LMNTD1: variants seen among roughly 807,000 people sequenced by gnomAD.
The protein encoded by LMNTD1 is lamin tail domain-containing protein 1.
LMNTD1 carries 35 observed loss-of-function variants against 50.9 expected under a neutral mutation model. The observed-to-expected ratio is 0.69, with a 90% CI of 0.53 to 0.91. The LOEUF (loss-of-function observed/expected upper bound fraction) is 0.91. LMNTD1 is among the 40% of genes least tolerant of loss of function. The pLI, the probability that LMNTD1 is intolerant of heterozygous loss-of-function variation, is 0.00. For synonymous variants in LMNTD1, 153 were observed against 161.9 expected (o/e 0.94, Z 0.42); for missense variants, 470 against 475.5 (o/e 0.99, Z 0.11).
At chr12:25,566,577 G>C (rs935658917) in intron 1 of LMNTD1, among the ~76,000 whole-genome samples, 3 of 152,212 alleles carry the variant, frequency 2.0e-5, no homozygotes, top group African/African-American at 7.2e-5. Context: ...ATTCCCACCA[G>C]CATGAGCTCT....
intron 4 of LMNTD1, among the ~76,000 whole-genome samples, chr12:25,539,735 T>A: frequency 7.5e-6 from 1 of 133,948 alleles, no homozygotes; most frequent in Non-Finnish European, 1.6e-5. Flanking sequence ...AGAGCAGAAC[T>A]GAAGGAAATA....
At chr12:25,643,927 A>G (rs563771792) in intron 1 of LMNTD1, among the ~76,000 whole-genome samples, 1 of 152,212 alleles carries the variant, frequency 6.6e-6, no homozygotes, top group Non-Finnish European at 1.5e-5. Flanking sequence ...GAGACTGCAC[A>G]TAGATTTAGA....
intron 1 of LMNTD1, among the ~76,000 whole-genome samples, chr12:25,618,505 C>G (rs1288865599): frequency 6.6e-6 from 1 of 152,106 alleles, no homozygotes; most frequent in Non-Finnish European, 1.5e-5. Flanking sequence ...GTAGATTGCT[C>G]TTTAGGTTGG....
chr12:25,599,839 G>A (rs1351488663), intron 1 of LMNTD1, among the ~76,000 whole-genome samples: 1 of 151,916 alleles, frequency 6.6e-6, no homozygotes, highest in Non-Finnish European at 1.5e-5. Flanking sequence ...TTCATGGATT[G>A]GGAGAATAAA....
chr12:25,624,410 T>C (rs1372667236), intron 1 of LMNTD1, among the ~76,000 whole-genome samples: 1 of 152,196 alleles, frequency 6.6e-6, no homozygotes, highest in African/African-American at 2.4e-5. Flanking sequence ...AACTGTGATA[T>C]AGAGCAAAGC....
rs371421667 is a variant in LMNTD1 at position 25,612,639 on chromosome 12, G to A, written c.58+35855C>T. ...CCTGAATCCCTTTGGCTGAATGAAT[G>A]AAGCTCTGATGAACTGATCTAAATG... On this transcript the variant is annotated intron_variant, in intron 1 of 7. Transcript: ENST00000445693. Among the ~76,000 whole-genome samples, 3 of 152,034 alleles carry A rather than the reference G, an allele frequency of 2.0e-5. No individual in the cohort carries two copies. In the East Asian group the frequency reaches 5.8e-4, roughly 29 times the overall value.
chr12:25,614,445 T>G (rs1336447037), intron 1 of LMNTD1, among the ~76,000 whole-genome samples: 1 of 152,196 alleles, frequency 6.6e-6, no homozygotes, highest in Non-Finnish European at 1.5e-5. Flanking sequence ...GAGAAGCTGC[T>G]TCTCCAGACA....
intron 1 of LMNTD1, among the ~76,000 whole-genome samples, chr12:25,634,376 T>A (rs1438821919): frequency 2.6e-5 from 4 of 151,956 alleles, no homozygotes; most frequent in Admixed American, 2.6e-4. Context: ...GGAAAGGACA[T>A]AACCAAAAAA....
intron 1 of LMNTD1, among the ~76,000 whole-genome samples, chr12:25,619,252 C>CTATATATATATATATATA (rs71450756): frequency 4.5e-4 from 38 of 84,368 alleles, no homozygotes; most frequent in Admixed American, 1.4e-3. Flanking sequence ...CTCTCTCTCT[C>CTATATATATATATATATA]TATATATATA....
chr12:25,588,538 A>G (rs1335252446), intron 1 of LMNTD1, among the ~76,000 whole-genome samples: 35 of 152,156 alleles, frequency 2.3e-4, no homozygotes, highest in Admixed American at 2.2e-3. Context: ...ATTAAACTAT[A>G]TTGTTCAGGG....
At chr12:25,610,032 T>C (rs1272882684) in intron 1 of LMNTD1, among the ~76,000 whole-genome samples, 1 of 152,218 alleles carries the variant, frequency 6.6e-6, no homozygotes, top group Non-Finnish European at 1.5e-5. Flanking sequence ...TTTGTTTACC[T>C]ACTCAAGCCT....
intron 1 of LMNTD1, among the ~76,000 whole-genome samples, chr12:25,629,822 T>TAG (rs531011491): frequency 2.7e-3 from 415 of 151,828 alleles, no homozygotes; most frequent in Non-Finnish European, 5.4e-3. Context: ...AAAATATATA[T>TAG]AGAGAGAGAG....
chr12:25,644,915 T>C (rs1252370597), intron 1 of LMNTD1, among the ~76,000 whole-genome samples: 1 of 152,176 alleles, frequency 6.6e-6, no homozygotes, highest in Admixed American at 6.5e-5. Context: ...TCTTGTCCAA[T>C]ATTAGATTTC....
At chr12:25,608,129 C>G (rs1348321877) in intron 1 of LMNTD1, among the ~76,000 whole-genome samples, 3 of 151,994 alleles carry the variant, frequency 2.0e-5, no homozygotes, top group Non-Finnish European at 4.4e-5. Context: ...GGTTTAAAGT[C>G]TGTTTTGTCA....
intron 9 of LMNTD1, among the ~76,000 whole-genome samples, chr12:25,483,153 G>A (rs1294590621): frequency 1.3e-5 from 2 of 151,970 alleles, no homozygotes; most frequent in African/African-American, 4.9e-5. Context: ...GGCTGGGCGT[G>A]GTGGCTCATG....
chr12:25,502,884 T>G (rs1322875193), intron 9 of LMNTD1: 1 of 152,204 alleles, frequency 6.6e-6, no homozygotes, highest in Non-Finnish European at 1.5e-5. Context: ...GATAGGCTTG[T>G]GCATACATGA....
In LMNTD1 at chr12:25,640,283, G is replaced by A. The variant is rs540208131; in HGVS notation, c.58+8211C>T. ...CCAGCACTTTGGGAGGCCAAGGCGG[G>A]CAGATTGCTTGAGTCCAGGAGTTCG... On this transcript the variant is annotated intron_variant, in intron 1 of 7. Coordinates refer to the LMNTD1 transcript ENST00000445693. Among the ~76,000 whole-genome samples, 13 of 152,258 alleles carry A rather than the reference G, an allele frequency of 8.5e-5. No homozygotes were observed. In the South Asian group the frequency reaches 2.1e-3, roughly 24 times the overall value.
intron 9 of LMNTD1, among the ~76,000 whole-genome samples, chr12:25,481,560 T>C (rs1445619646): frequency 6.6e-6 from 1 of 151,970 alleles, no homozygotes; most frequent in Non-Finnish European, 1.5e-5. Context: ...CTGTGCAGCC[T>C]CAACATAGAC....
chr12:25,566,893 T>G (rs1944579691), intron 1 of LMNTD1, among the ~76,000 whole-genome samples: 1 of 152,238 alleles, frequency 6.6e-6, no homozygotes, highest in East Asian at 1.9e-4. Flanking sequence ...CAATTTGAAG[T>G]GTAAACAAAT....
Sources: gnomAD v4.1 joint callset for allele counts (sites outside exome capture counted in the v4.1 genomes callset) on GRCh38, gnomAD v4.1.1 for gene constraint, MANE v1.5 for transcripts, NCBI Gene and HGNC (gene_info 2026-07-23, HGNC 2026-07-21) for gene names.